SLC24A3: variants seen among roughly 807,000 people sequenced by gnomAD.
SLC24A3 encodes the protein sodium/potassium/calcium exchanger 3.
In SLC24A3, 28 loss-of-function variants were observed where a neutral mutation model predicts 75.8. That is an observed-to-expected ratio of 0.37 (90% CI 0.27 to 0.51). The LOEUF is 0.51. SLC24A3 is among the 20% of genes least tolerant of loss of function. SLC24A3 has a pLI of 0.94. For synonymous variants in SLC24A3, 372 were observed against 334.1 expected (o/e 1.11, Z -1.24); for missense variants, 663 against 847.8 (o/e 0.78, Z 2.71).
intron 3 of SLC24A3, among the ~76,000 whole-genome samples, chr20:19,550,044 T>C (rs2030665521): frequency 6.6e-6 from 1 of 152,232 alleles, no homozygotes; most frequent in Non-Finnish European, 1.5e-5. Flanking sequence ...CTTATGTTGT[T>C]TGAGTCACAC....
At chr20:19,325,307 A>T (rs1984813218) in intron 2 of SLC24A3, among the ~76,000 whole-genome samples, 1 of 151,872 alleles carries the variant, frequency 6.6e-6, no homozygotes, top group African/African-American at 2.4e-5. Context: ...TTACCTGGGT[A>T]TGGTGGTGCA....
Position 19,346,160 on chromosome 20 carries a change from G to GTGTATA in SLC24A3, c.271+65074_271+65075insGTATAT, listed in dbSNP as rs370488721. Among the ~76,000 whole-genome samples, 18 of 43,018 alleles carry GTGTATA rather than the reference G, an allele frequency of 4.2e-4. 6 individuals carry two copies. Among genetic ancestry groups the GTGTATA allele is most frequent in the African/African-American group, 3.2e-3 (15 of 4,664 alleles). The allele number at this position is 43,018 out of a possible 152,430, so 28.2% of individuals were successfully genotyped here. ...TATGGTGTGTGTATATATATATGGT[G>GTGTATA]TATATATATGGTATATATATATGGT... On this transcript the variant is annotated intron_variant, in intron 2 of 16. Coordinates refer to ENST00000328041, the MANE Select transcript of SLC24A3 (RefSeq NM_020689.4).
At chr20:19,589,670 C>A (rs2031346509) in intron 6 of SLC24A3, among the ~76,000 whole-genome samples, 6 of 152,158 alleles carry the variant, frequency 3.9e-5, no homozygotes, top group Admixed American at 3.9e-4. Context: ...GCCAGGACAT[C>A]TTGCATTTAA....
At chr20:19,327,066 A>T (rs901495605) in intron 2 of SLC24A3, among the ~76,000 whole-genome samples, 10 of 152,150 alleles carry the variant, frequency 6.6e-5, no homozygotes, top group African/African-American at 2.4e-4. Flanking sequence ...TCTTTAATTT[A>T]AAAAAACGTA....
At chr20:19,582,695 G>C (rs904119995) in intron 4 of SLC24A3, among the ~76,000 whole-genome samples, 1 of 152,154 alleles carries the variant, frequency 6.6e-6, no homozygotes, top group African/African-American at 2.4e-5. Context: ...ATTGCAGAAC[G>C]TGCAGAGAGG....
intron 1 of SLC24A3, among the ~76,000 whole-genome samples, chr20:19,258,168 T>A (rs1982872084): frequency 6.6e-6 from 1 of 152,220 alleles, no homozygotes; most frequent in Non-Finnish European, 1.5e-5. Context: ...AGCACCGCCA[T>A]CCTGGGGAGG....
intron 2 of SLC24A3, among the ~76,000 whole-genome samples, chr20:19,304,726 G>GA (rs1420152970): frequency 1.3e-5 from 2 of 151,990 alleles, no homozygotes; most frequent in Non-Finnish European, 2.9e-5. Context: ...TTACAAGGGG[G>GA]AAAAAAGCAT....
At chr20:19,244,473 G>A (rs1320607841) in intron 1 of SLC24A3, among the ~76,000 whole-genome samples, 2 of 152,198 alleles carry the variant, frequency 1.3e-5, no homozygotes, top group African/African-American at 2.4e-5. Flanking sequence ...AGGTGGAGGG[G>A]AGAATTTACC....
intron 2 of SLC24A3, among the ~76,000 whole-genome samples, chr20:19,386,769 G>A (rs1740802600): frequency 6.6e-6 from 1 of 152,088 alleles, no homozygotes; most frequent in African/African-American, 2.4e-5. Flanking sequence ...AATCCCACTT[G>A]GTCATATTAC....
At chr20:19,569,678 T>C (rs1036254530) in intron 3 of SLC24A3, among the ~76,000 whole-genome samples, 2 of 151,864 alleles carry the variant, frequency 1.3e-5, no homozygotes, top group African/African-American at 2.4e-5. Flanking sequence ...TCTTTTTTGC[T>C]CCCTCCTGGC....
chr20:19,367,806 C>T (rs932948241), intron 2 of SLC24A3, among the ~76,000 whole-genome samples: 33 of 152,318 alleles, frequency 2.2e-4, no homozygotes, highest in African/African-American at 7.2e-4. Flanking sequence ...CCCAGTTCCA[C>T]TTGGCATTGG....
intron 16 of SLC24A3, among the ~76,000 whole-genome samples, chr20:19,720,546 A>C (rs1006800729): frequency 1.5e-5 from 1 of 64,974 alleles, no homozygotes; most frequent in Admixed American, 1.9e-4. Context: ...GTGGGGAGGG[A>C]GGAACTTCTC....
At chr20:19,647,582 G>T (rs2032154128) in intron 6 of SLC24A3, among the ~76,000 whole-genome samples, 1 of 152,314 alleles carries the variant, frequency 6.6e-6, no homozygotes. Flanking sequence ...CCCTACAGCA[G>T]AGCTGACTCC....
chr20:19,488,689 GA>G, intron 2 of SLC24A3, among the ~76,000 whole-genome samples: 1 of 152,230 alleles, frequency 6.6e-6, no homozygotes, highest in Admixed American at 6.5e-5. Context: ...AAGTGTTTCA[GA>G]TTTTTTTTTA....
At chr20:19,250,969 T>A (rs538234773) in intron 1 of SLC24A3, among the ~76,000 whole-genome samples, 2 of 152,318 alleles carry the variant, frequency 1.3e-5, no homozygotes, top group East Asian at 3.9e-4. Context: ...AATTTTGACG[T>A]TTTAGTTTGT....
chr20:19,512,980 A>G (rs1323103681), intron 2 of SLC24A3, among the ~76,000 whole-genome samples: 1 of 152,190 alleles, frequency 6.6e-6, no homozygotes, highest in Non-Finnish European at 1.5e-5. Context: ...GTTGTGATTG[A>G]TACATTAACT....
At chr20:19,554,563 T>C (rs1279650980) in intron 3 of SLC24A3, among the ~76,000 whole-genome samples, 1 of 152,194 alleles carries the variant, frequency 6.6e-6, no homozygotes, top group Non-Finnish European at 1.5e-5. Flanking sequence ...CTGTAAAATA[T>C]GGTGCTTGCT....
At chr20:19,635,125 A>G (rs2031984130) in intron 6 of SLC24A3, among the ~76,000 whole-genome samples, 1 of 152,220 alleles carries the variant, frequency 6.6e-6, no homozygotes, top group Non-Finnish European at 1.5e-5. Flanking sequence ...CTCAGAACAG[A>G]CACTTACCTC....
At chr20:19,688,216 G>A (rs993561492) in intron 12 of SLC24A3, among the ~76,000 whole-genome samples, 1 of 152,172 alleles carries the variant, frequency 6.6e-6, no homozygotes, top group Non-Finnish European at 1.5e-5. Context: ...TCAAGAACCG[G>A]CTGCCCCCCA....
Sources: allele counts gnomAD v4.1 joint callset (sites outside exome capture counted in the v4.1 genomes callset), GRCh38; gene constraint gnomAD v4.1.1; transcripts MANE v1.5; gene names NCBI Gene and HGNC (gene_info 2026-07-23, HGNC 2026-07-21).